TTC27: variants seen among roughly 807,000 people sequenced by gnomAD.
TTC27 encodes tetratricopeptide repeat domain 27.
Under a neutral mutation model 115.9 loss-of-function variants are expected in TTC27, and 79 were observed. That is an observed-to-expected ratio of 0.68 (90% CI 0.57 to 0.82). The LOEUF is 0.82. Ranked by LOEUF, TTC27 falls within the 40% of genes least tolerant of loss-of-function variation. The probability of loss-of-function intolerance (pLI) is 0.00; values close to 1 mark genes in which losing one functional copy is unlikely to be tolerated. For synonymous variants in TTC27, 401 were observed against 356.0 expected (o/e 1.13, Z -1.42); for missense variants, 1,054 against 993.1 (o/e 1.06, Z -0.82).
chr2:32,710,531 C>T (rs1412976584), intron 10 of TTC27, among the ~76,000 whole-genome samples: 1 of 148,704 alleles, frequency 6.7e-6, no homozygotes, highest in Non-Finnish European at 1.5e-5. Flanking sequence ...CCAGGTTCAA[C>T]CAATTCTCCT....
intron 16 of TTC27, among the ~76,000 whole-genome samples, chr2:32,807,612 T>C (rs1230002057): frequency 6.6e-6 from 1 of 152,210 alleles, no homozygotes; most frequent in Non-Finnish European, 1.5e-5. Context: ...ATTAGTATTA[T>C]AGGATACTAT....
At chr2:32,820,227 C>T (rs1483400051) in intron 19 of TTC27, among the ~76,000 whole-genome samples, 1 of 152,186 alleles carries the variant, frequency 6.6e-6, no homozygotes, top group East Asian at 1.9e-4. Context: ...TATGTTGGCT[C>T]AGCAGGCAGT....
intron 12 of TTC27, among the ~76,000 whole-genome samples, chr2:32,742,423 G>T (rs1386575192): frequency 6.6e-6 from 1 of 152,066 alleles, no homozygotes; most frequent in Admixed American, 6.5e-5. Context: ...ATTTATGTTG[G>T]CAAGTAACCT....
At chr2:32,685,975 A>G (rs1345712954) in intron 9 of TTC27, among the ~76,000 whole-genome samples, 1 of 152,240 alleles carries the variant, frequency 6.6e-6, no homozygotes, top group African/African-American at 2.4e-5. Context: ...AAGAATGAAC[A>G]TGAAAGCTAC....
chr2:32,726,630 T>G (rs1168303356), intron 10 of TTC27, among the ~76,000 whole-genome samples: 1 of 152,236 alleles, frequency 6.6e-6, no homozygotes, highest in African/African-American at 2.4e-5. Context: ...CACATTTTCC[T>G]GTCTTCTTCT....
chr2:32,797,173 C>CAAAA (rs61136534), intron 16 of TTC27, among the ~76,000 whole-genome samples: 1 of 80,530 alleles, frequency 1.2e-5, no homozygotes, highest in African/African-American at 4.5e-5. Flanking sequence ...AACTCTGTCT[C>CAAAA]AAAAAAAAAA....
chr2:32,795,659 T>A (rs1670675481), intron 16 of TTC27, among the ~76,000 whole-genome samples: 1 of 150,580 alleles, frequency 6.6e-6, no homozygotes. Context: ...CTCAAGTAAT[T>A]CTCCTGTGTT....
intron 13 of TTC27, among the ~76,000 whole-genome samples, chr2:32,761,234 C>T (rs532247468): frequency 6.6e-6 from 1 of 152,150 alleles, no homozygotes; most frequent in Admixed American, 6.6e-5. Context: ...ATTCCTCTTA[C>T]CCGTATACCC....
intron 16 of TTC27, among the ~76,000 whole-genome samples, chr2:32,803,716 G>GA (rs1388851065): frequency 6.6e-6 from 1 of 151,898 alleles, no homozygotes; most frequent in Non-Finnish European, 1.5e-5. Context: ...TACAAAATAA[G>GA]AAAAAAATGT....
intron 3 of TTC27, among the ~76,000 whole-genome samples, chr2:32,639,116 G>A (rs1664541179): frequency 6.6e-6 from 1 of 152,158 alleles, no homozygotes; most frequent in Non-Finnish European, 1.5e-5. Flanking sequence ...ACAGATGTGA[G>A]CCACCGTGCC....
rs137978444 is a variant in TTC27, at chr2:32,737,468, T to C, written c.1452+652T>C. On this transcript the variant is annotated intron_variant, in intron 12 of 19. Transcript: ENST00000317907. The stretch of plus-strand genomic sequence containing the variant: ...ATTTAAAAGACTTAAGTTGAGTACA[T>C]AAGCAAGCAGAGTAAAGCCCACAAA... 3.4e-3 allele frequency among the ~76,000 whole-genome samples: 513 copies of C among 152,242 alleles called. 6 individuals are homozygous for C. The highest frequency in any genetic ancestry group is 0.012 in the African/African-American group (479 of 41,536).
In TTC27 at chr2:32,740,453, C is replaced by CTT. The variant is rs3834121; in HGVS notation, c.1452+3647_1452+3648dup. 2.2e-3 allele frequency among the ~76,000 whole-genome samples: 321 copies of CTT among 145,332 alleles called. 2 individuals are homozygous for CTT. The highest frequency in any genetic ancestry group is 4.7e-3 in the African/African-American group (189 of 39,986). ...TGGTTTGGATTTCCTGTTTTGGGGG[C>CTT]TTTTTTTTTTTCTATCATAGAGATT... On this transcript the variant is annotated intron_variant, in intron 12 of 19. Transcript: ENST00000317907.
chr2:32,702,020 A>AC (rs1553553238), intron 9 of TTC27, among the ~76,000 whole-genome samples: 1 of 145,492 alleles, frequency 6.9e-6, no homozygotes, highest in Non-Finnish European at 1.5e-5. Flanking sequence ...CAAAAAAAAA[A>AC]AAAAACAAAA....
intron 10 of TTC27, among the ~76,000 whole-genome samples, chr2:32,711,139 AGAAG>A (rs796460016): frequency 3.5e-4 from 50 of 141,578 alleles, no homozygotes; most frequent in African/African-American, 1.4e-3. Context: ...AAAAAAAAAA[AGAAG>A]AAGAAGAAGA....
chr2:32,763,850 A>C (rs1298882758), intron 13 of TTC27, among the ~76,000 whole-genome samples: 1 of 152,176 alleles, frequency 6.6e-6, no homozygotes, highest in Non-Finnish European at 1.5e-5. Flanking sequence ...TAGATTTCTG[A>C]GGTTTGCGGG....
chr2:32,734,317 C>T (rs1668386056), intron 11 of TTC27, among the ~76,000 whole-genome samples: 2 of 152,130 alleles, frequency 1.3e-5, no homozygotes, highest in Non-Finnish European at 2.9e-5. Context: ...AGCAATCACT[C>T]TTGCCTCCAG....
At chr2:32,764,399 AAAAC>A (rs371763592) in intron 13 of TTC27, among the ~76,000 whole-genome samples, 122 of 152,356 alleles carry the variant, frequency 8.0e-4, no homozygotes, top group African/African-American at 2.6e-3. Flanking sequence ...TGTCTAAAAA[AAAAC>A]AAACAAAAAT....
At chr2:32,661,579 T>C (rs953176795) in intron 5 of TTC27, among the ~76,000 whole-genome samples, 1 of 152,180 alleles carries the variant, frequency 6.6e-6, no homozygotes, top group Non-Finnish European at 1.5e-5. Context: ...TTGTCTGTTA[T>C]TGGTGTATAG....
intron 7 of TTC27, among the ~76,000 whole-genome samples, chr2:32,669,883 CAAA>C (rs70938358): frequency 9.2e-6 from 1 of 108,906 alleles, no homozygotes; most frequent in Non-Finnish European, 1.8e-5. Flanking sequence ...GAGACTTTCT[CAAA>C]AAAAAAAAAA....
Sources: gnomAD v4.1 joint callset for allele counts (sites outside exome capture counted in the v4.1 genomes callset) on GRCh38, gnomAD v4.1.1 for gene constraint, MANE v1.5 for transcripts, NCBI Gene and HGNC (gene_info 2026-07-23, HGNC 2026-07-21) for gene names.